TRANK1: variants seen among roughly 807,000 people sequenced by gnomAD.
The protein encoded by TRANK1 is tetratricopeptide repeat and ankyrin repeat containing 1, also known as TPR and ankyrin repeat-containing protein 1.
In TRANK1, 198 loss-of-function variants were observed where a neutral mutation model predicts 266.0. The ratio of observed to expected loss-of-function variants is 0.74; its 90% confidence interval spans 0.66 to 0.84. The LOEUF (loss-of-function observed/expected upper bound fraction) is 0.84. Ranked by LOEUF, TRANK1 falls within the 40% of genes least tolerant of loss-of-function variation. The pLI, the probability that TRANK1 is intolerant of heterozygous loss-of-function variation, is 0.00. For missense variants in TRANK1, 3,326 were observed against 3,634.6 expected (o/e 0.92, Z 2.18); for synonymous variants, 1,396 against 1,384.1 (o/e 1.01, Z -0.19).
intron 13 of TRANK1, among the ~76,000 whole-genome samples, 184 bp from the exon 14 acceptor site, chr3:36,852,529 G>T (rs906545406): frequency 2.0e-5 from 3 of 152,128 alleles, no homozygotes; most frequent in Non-Finnish European, 2.9e-5. Flanking sequence ...GGGTGCAGGG[G>T]ATGAGAAGGC....
Position 36,833,546 on chromosome 3 carries a change from G to A in TRANK1, c.6037C>T (p.Leu2013=), listed in dbSNP as rs1458473774. The change falls in exon 22 of 24, where the codon CTG becomes TTG. Residue 2013 remains leucine (L), a synonymous_variant. Transcript: ENST00000645898. The stretch of plus-strand genomic sequence containing the variant: ...TAGCAGATATCAAGTGCTTCTCTCA[G>A]AATGTCCTTGGTGTGTTCTATGTCG... ...DSDIEHTKDI[L]REALDICYQT... 3 of 1,613,940 alleles carry A rather than the reference G, an allele frequency of 1.9e-6. No homozygotes were observed. The highest frequency in any genetic ancestry group is 2.5e-6 in the Non-Finnish European group (3 of 1,179,896).
At chr3:36,901,029 A>T (rs371655702) in intron 3 of TRANK1, among the ~76,000 whole-genome samples, 159 of 151,582 alleles carry the variant, frequency 1.0e-3, no homozygotes, top group African/African-American at 3.6e-3. Flanking sequence ...AGGAAAAAAA[A>T]GTGTGTTTCG....
intron 21 of TRANK1, 131 bp downstream of exon 21, chr3:36,834,631 C>T: frequency 2.9e-6 from 3 of 1,032,758 alleles, no homozygotes; most frequent in Non-Finnish European, 4.2e-6. Context: ...CTGAGGCCAT[C>T]GCTTAAGTGG....
At chr3:36,932,240 A>AC (rs2080370036) in intron 1 of TRANK1, among the ~76,000 whole-genome samples, 1 of 152,236 alleles carries the variant, frequency 6.6e-6, no homozygotes. Context: ...ACATACTGCC[A>AC]TGGCGGATAA....
intron 7 of TRANK1, among the ~76,000 whole-genome samples, 163 bp downstream of exon 7, chr3:36,892,039 T>C (rs1327818383): frequency 6.6e-6 from 1 of 152,230 alleles, no homozygotes; most frequent in Non-Finnish European, 1.5e-5. Context: ...ATAAAAATGA[T>C]ACTATTTTCC....
In TRANK1 at chr3:36,879,896, A is replaced by G. The variant is rs1444767617; in HGVS notation, c.908-5600T>C. ...CATACAAATATATGTAAACATGCAA[A>G]TATATGTAAACATGCAAATATATGT... On this transcript the variant is annotated intron_variant, in intron 8 of 23. Coordinates refer to ENST00000645898, the MANE Select transcript of TRANK1 (RefSeq NM_001329998.2). Among the ~76,000 whole-genome samples, 14 of 86,126 alleles carry G rather than the reference A, an allele frequency of 1.6e-4. No homozygotes were observed. The East Asian group carries it at 2.2e-3, about 14-fold the overall frequency. 56.5% of individuals were successfully genotyped at this position (86,126 alleles called of 152,430 possible).
In TRANK1 at chr3:36,842,610, C is replaced by T. The variant is rs1559420489; in HGVS notation, c.5280+12G>A. 3 of 1,613,292 alleles carry T rather than the reference C, an allele frequency of 1.9e-6. No homozygotes were observed. Among genetic ancestry groups the T allele is most frequent in the Middle Eastern group, 1.7e-4 (1 of 6,042 alleles). On this transcript the variant is annotated intron_variant, in intron 18 of 23. Coordinates refer to ENST00000645898, the MANE Select transcript of TRANK1 (RefSeq NM_001329998.2). ...ACCAGTGACAAGGACCCCTCCTAGT[C>T]CAACCCCTTACCTTCCAGCACTGGT...
Position 36,891,201 on chromosome 3 carries a change from G to C in TRANK1, c.775+1001C>G, listed in dbSNP as rs192187701. On this transcript the variant is annotated intron_variant, in intron 7 of 23. Transcript: ENST00000645898. ...CTAAAAACACAAAAATTAGCCAGGC[G>C]TGGTGGCGGGGGCCTGTAATCCCAG... is the stretch of plus-strand genomic sequence containing the variant. 1.4e-3 allele frequency among the ~76,000 whole-genome samples: 216 copies of C among 152,198 alleles called. 1 individual carries two copies. Among genetic ancestry groups the C allele is most frequent in the Non-Finnish European group, 2.5e-3 (167 of 67,992 alleles).
At chr3:36,880,210 T>C (rs892933877) in intron 8 of TRANK1, 3 of 204,098 alleles carry the variant, frequency 1.5e-5, no homozygotes, top group African/African-American at 7.2e-5. Context: ...GAATGCCAAG[T>C]TAGTCTTTCT....
At chr3:36,939,986 G>A (rs927354084) in intron 1 of TRANK1, among the ~76,000 whole-genome samples, 4 of 151,872 alleles carry the variant, frequency 2.6e-5, no homozygotes, top group Non-Finnish European at 5.9e-5. Context: ...CACCTCCCGG[G>A]TTCAAGCGAT....
intron 9 of TRANK1, among the ~76,000 whole-genome samples, chr3:36,866,490 C>A (rs2079229742): frequency 6.6e-6 from 1 of 152,134 alleles, no homozygotes; most frequent in South Asian, 2.1e-4. Flanking sequence ...AGAGGGGAAG[C>A]CAAACCCAGG....
chr3:36,831,586 T>C lies in TRANK1; in HGVS notation c.7997A>G (p.Glu2666Gly). The change falls in exon 22 of 24, where the codon GAG (glutamate) becomes GGG (glycine). Residue 2666 changes from glutamate (E) to glycine (G), a missense_variant. Transcript: ENST00000645898. The surrounding 1 kb of genome is among the most constrained non-coding windows in gnomAD (Gnocchi z 5.0). ...GAGCAGGCGGTTTAGTCTGACCTCC[T>C]CATAATAGAGGCCACGGACTATGGA... ...KGSIVRGLYYEEVRLNRLLCL... is the reference protein window; with the variant it reads ...KGSIVRGLYYGEVRLNRLLCL... The C allele has an allele frequency of 2.5e-6, 4 of 1,613,702 alleles. No individual in the cohort carries two copies. Among genetic ancestry groups the C allele is most frequent in the Non-Finnish European group, 3.4e-6 (4 of 1,179,746 alleles).
Position 36,892,209 on chromosome 3 carries a change from G to A in TRANK1, c.768C>T (p.Ile256=). 2.0e-6 allele frequency: 3 copies of A among 1,536,894 alleles called. No individual in the cohort carries two copies. The highest frequency in any genetic ancestry group is 2.6e-6 in the Non-Finnish European group (3 of 1,146,726). The change falls in exon 7 of 24, where the codon ATC becomes ATT. Residue 256 remains isoleucine, a synonymous_variant. Coordinates refer to ENST00000645898, the MANE Select transcript of TRANK1 (RefSeq NM_001329998.2). ...YPLHALMRLC[I]QARENHLFRW... is the part of the protein sequence containing the mutation. ...AACTGGGAGAAGACTCACTGGCTTG[G>A]ATACAGAGTCGCATGAGGGCATGAA... is the stretch of plus-strand genomic sequence containing the variant.
intron 3 of TRANK1, among the ~76,000 whole-genome samples, chr3:36,901,742 G>C (rs564710995): frequency 2.0e-5 from 3 of 152,304 alleles, no homozygotes; most frequent in Non-Finnish European, 4.4e-5. Context: ...GATGGAGAGA[G>C]ACTCCCAGGA....
intron 8 of TRANK1, among the ~76,000 whole-genome samples, chr3:36,875,380 A>G (rs769642036): frequency 3.9e-5 from 6 of 152,244 alleles, no homozygotes; most frequent in Non-Finnish European, 5.9e-5. Context: ...TGCAGAAGTC[A>G]AGAGCAGCCT....
rs1024452582 is a variant in TRANK1 at position 36,857,321 on chromosome 3, C to T, written c.2401G>A (p.Val801Met). Reference protein sequence around the residue: ...AQVGLGALQLVPDDNRGKEGN... With the variant: ...AQVGLGALQLMPDDNRGKEGN... ...TCCTTCCCCCTGTTATCATCAGGCA[C>T]AAGCTGCAAGGCCCCAAGGCCCACC... The change falls in exon 13 of 24, where the codon GTG becomes ATG. Residue 801 changes from valine (V) to methionine (M), a missense_variant. Physicochemically the swap from Val to Met is conservative, Grantham distance 21 (BLOSUM62 1). Transcript: ENST00000645898. The surrounding 1 kb of genome is among the most constrained non-coding windows in gnomAD (Gnocchi z 4.3). 2 of 1,608,616 alleles carry T rather than the reference C, an allele frequency of 1.2e-6. No individual in the cohort carries two copies. Among genetic ancestry groups the T allele is most frequent in the African/African-American group, 1.3e-5 (1 of 74,840 alleles).
intron 3 of TRANK1, among the ~76,000 whole-genome samples, chr3:36,900,995 C>T (rs563509358): frequency 1.3e-5 from 2 of 151,740 alleles, no homozygotes; most frequent in African/African-American, 4.8e-5. Flanking sequence ...AGTCTAAAGA[C>T]CTCAGATAAC....
chr3:36,864,847 G>A (rs1013193288), intron 9 of TRANK1, among the ~76,000 whole-genome samples: 1 of 152,102 alleles, frequency 6.6e-6, no homozygotes, highest in South Asian at 2.1e-4. Flanking sequence ...AATTGGCCTA[G>A]TTGTCCAAAC....
Position 36,833,288 on chromosome 3 carries a change from T to C in TRANK1, c.6295A>G (p.Lys2099Glu), listed in dbSNP as rs1354693425. The C allele has an allele frequency of 1.2e-6, 2 of 1,613,904 alleles. No homozygotes were observed. The highest frequency in any genetic ancestry group is 1.7e-6 in the Non-Finnish European group (2 of 1,179,914). The change falls in exon 22 of 24, where the codon AAA (lysine) becomes GAA (glutamate). Residue 2099 changes from lysine (K) to glutamate (E), a missense_variant. Physicochemically the swap from Lys to Glu is moderately conservative, Grantham distance 56. Transcript: ENST00000645898. ...EILLSLVRAL[K>E]RVTNNAEKEM... ...TTCTCAGCATTGTTGGTCACTCTTT[T>C]GAGAGCCCTGACCAGACTGAGGAGG...
Sources: gnomAD v4.1 joint callset for allele counts (sites outside exome capture counted in the v4.1 genomes callset) on GRCh38, gnomAD v4.1.1 for gene constraint, Gnocchi (gnomAD v3.1) non-coding constraint, MANE v1.5 for transcripts, NCBI Gene and HGNC (gene_info 2026-07-23, HGNC 2026-07-21) for gene names.